Variants in HAUS3 observed in about 807,000 individuals in gnomAD.
The protein encoded by HAUS3 is HAUS augmin-like complex subunit 3.
In HAUS3, 36 loss-of-function variants were observed where a neutral mutation model predicts 55.2. That is an observed-to-expected ratio of 0.65 (90% CI 0.50 to 0.86). HAUS3 has a LOEUF of 0.86. Ranked by LOEUF, HAUS3 falls within the 40% of genes least tolerant of loss-of-function variation. The pLI is 0.00. For missense variants in HAUS3, 752 were observed against 671.5 expected (o/e 1.12, Z -1.33); for synonymous variants, 234 against 238.6 (o/e 0.98, Z 0.18).
chr4:2,238,950 T>C lies in HAUS3; in HGVS notation c.1003A>G (p.Ser335Gly), dbSNP rs181187875. The change falls in exon 4 of 6, where the codon AGT becomes GGT. Residue 335 changes from serine (S) to glycine (G), a missense_variant. Transcript: ENST00000443786. ...EKEVTQIKDR[S>G]LPAVVRENAQ... ...TTCTCTCTTACCACAGCAGGTAAAC[T>C]TCTGTCTTTTATTTGAGTGACCTCT... The C allele has an allele frequency of 3.2e-5, 51 of 1,602,352 alleles. 1 individual carries two copies. The Admixed American group carries it at 7.0e-4, about 22-fold the overall frequency.
chr4:2,234,481 G>T (rs373124955), intron 5 of HAUS3: 10 of 153,672 alleles, frequency 6.5e-5, no homozygotes, highest in Middle Eastern at 1.8e-3. Flanking sequence ...ACAAAGGCAC[G>T]TTTCCTGGGA....
chr4:2,239,017 A>C lies in HAUS3; in HGVS notation c.936T>G (p.Ala312=). Residue 312 remains alanine, a synonymous_variant, in exon 4 of 6, where the codon GCT becomes GCG. Transcript: ENST00000443786. The part of the protein sequence containing the change: ...SKAVDKENLD[A]KISSLTSEIM... Reference sequence around the variant, plus strand: ...TCTCACTGGTCAAGCTAGAAATTTTAGCATCCAAATTTTCTTTGTCCACAG... The same window carrying C: ...TCTCACTGGTCAAGCTAGAAATTTTCGCATCCAAATTTTCTTTGTCCACAG... The C allele has an allele frequency of 6.5e-7, 1 of 1,538,642 alleles. No homozygotes were observed. Among genetic ancestry groups the C allele is most frequent in the Non-Finnish European group, 8.7e-7 (1 of 1,148,812 alleles).
At chr4:2,241,349 G>A (rs1474098091) in intron 2 of HAUS3, among the ~76,000 whole-genome samples, 171 bp downstream of exon 2, 2 of 152,172 alleles carry the variant, frequency 1.3e-5, no homozygotes, top group East Asian at 1.9e-4. Flanking sequence ...AGATAAAATG[G>A]TTTAAAATGC....
In HAUS3 at chr4:2,240,338, G is replaced by A. The variant is rs777374703; in HGVS notation, c.609C>T (p.Tyr203=). 6.2e-7 allele frequency: 1 copy of A among 1,602,428 alleles called. No individual in the cohort carries two copies. The highest frequency in any genetic ancestry group is 8.5e-7 in the Non-Finnish European group (1 of 1,172,926). ...VFLSQFSLEK[Y]LSQEEQSTAA... ...CTGTGCTTTGCTCTTCCTGACTTAG[G>A]TATTTTTCCAAGGAAAATTGCGATA... The change falls in exon 3 of 6, where the codon TAC becomes TAT. Residue 203 remains tyrosine, a synonymous_variant. Transcript: ENST00000443786.
chr4:2,229,261 A>C lies in HAUS3; in HGVS notation c.*2666T>G. ...ACAAAATCCTAAATGTAAGATTAAC[A>C]TAAGATAAATCCCATATATTAATCC... On this transcript the variant is annotated 3_prime_UTR_variant, in exon 6 of 6. Transcript: ENST00000443786. The C allele has an allele frequency of 6.4e-7, 1 of 1,558,138 alleles. No homozygotes were observed. Among genetic ancestry groups the C allele is most frequent in the Non-Finnish European group, 8.7e-7 (1 of 1,145,522 alleles).
chr4:2,239,929 T>G, intron 3 of HAUS3, 109 bp downstream of exon 3: 1 of 811,578 alleles, frequency 1.2e-6, no homozygotes, highest in Non-Finnish European at 2.0e-6. Flanking sequence ...GAAAATAAAA[T>G]GTAATCTCTT....
rs1475009449 is a variant in HAUS3, at chr4:2,239,984, C to T, written c.909+54G>A. The stretch of plus-strand genomic sequence containing the variant: ...AGTACTTTAACAGCAATATTATCTC[C>T]TCTATTCCTAACAATAATTACAATG... On this transcript the variant is annotated intron_variant, in intron 3 of 5. Coordinates refer to ENST00000443786, the MANE Select transcript of HAUS3 (RefSeq NM_001303143.2). The T allele has an allele frequency of 3.6e-6, 5 of 1,371,066 alleles. No individual in the cohort carries two copies. The South Asian group carries it at 4.8e-5, about 13-fold the overall frequency. The allele number at this position is 1,371,066 out of a possible 1,614,324, so 84.9% of individuals were successfully genotyped here. A position where few individuals can be genotyped will look rare whatever the true frequency, so the allele number is the denominator to read the frequency against.
chr4:2,235,999 CTT>C (rs1162312548), intron 5 of HAUS3, among the ~76,000 whole-genome samples: 1 of 151,948 alleles, frequency 6.6e-6, no homozygotes, highest in African/African-American at 2.4e-5. Flanking sequence ...ATTACATATT[CTT>C]TTGTGTCTGA....
At chr4:2,234,244 T>C (rs1734680061) in intron 5 of HAUS3, 1 of 152,196 alleles carries the variant, frequency 6.6e-6, no homozygotes, top group African/African-American at 2.4e-5. Context: ...CTTTAGAAGT[T>C]AGCACCATGG....
Position 2,238,933 on chromosome 4 carries a change from T to C in HAUS3, c.1020A>G (p.Val340=). 2 of 1,610,384 alleles carry C rather than the reference T, an allele frequency of 1.2e-6. No homozygotes were observed. The highest frequency in any genetic ancestry group is 2.2e-5 in the South Asian group (2 of 90,562). ...TATTCAATAACTGGGCATTCTCTCT[T>C]ACCACAGCAGGTAAACTTCTGTCTT... The part of the protein sequence containing the change: ...QIKDRSLPAV[V]RENAQLLNMP... Residue 340 remains valine, a synonymous_variant, in exon 4 of 6, where the codon GTA becomes GTG. Coordinates refer to ENST00000443786, the MANE Select transcript of HAUS3 (RefSeq NM_001303143.2).
Position 2,240,106 on chromosome 4 carries a change from C to A in HAUS3, c.841G>T (p.Ala281Ser). 6.2e-7 allele frequency: 1 copy of A among 1,614,074 alleles called. No homozygotes were observed. Among genetic ancestry groups the A allele is most frequent in the South Asian group, 1.1e-5 (1 of 91,070 alleles). Residue 281 changes from alanine (A) to serine (S), a missense_variant, in exon 3 of 6, where the codon GCA (alanine) becomes TCA (serine). Coordinates refer to ENST00000443786, the MANE Select transcript of HAUS3 (RefSeq NM_001303143.2). ...CAQHQLIHLK[A>S]SNSSMKSSIK... ...CTTGACTTCATGCTCGAATTACTTGCTTTTAAGTGAATTAACTGATGTTGA... is the reference window on the plus strand; with the variant it reads ...CTTGACTTCATGCTCGAATTACTTGATTTTAAGTGAATTAACTGATGTTGA...
rs756220416 is a variant in HAUS3, at chr4:2,229,324, A to C, written c.*2603T>G. 555 of 1,106,012 alleles carry C rather than the reference A, an allele frequency of 5.0e-4. 4 individuals are homozygous for C. The highest frequency in any genetic ancestry group is 9.8e-5 in the Non-Finnish European group (78 of 799,414). 68.5% of individuals were successfully genotyped at this position (1,106,012 alleles called of 1,614,324 possible). On this transcript the variant is annotated 3_prime_UTR_variant, in exon 6 of 6. Transcript: ENST00000443786. ...ACAGGAAATACAATTATTTTCAAAA[A>C]TTTATATACCAACTTTCATTTAAAA...
chr4:2,240,638 C>G lies in HAUS3; in HGVS notation c.309G>C (p.Glu103Asp). The G allele has an allele frequency of 6.2e-7, 1 of 1,613,686 alleles. No individual in the cohort carries two copies. The highest frequency in any genetic ancestry group is 8.5e-7 in the Non-Finnish European group (1 of 1,179,946). ...RLDDKELEKL[E>D]DEVQTLLKLK... The stretch of plus-strand genomic sequence containing the variant: ...ATTTCAGTAGAGTTTGAACCTCATC[C>G]TCTAATTTCTCCAGCTCTTTATCAT... Residue 103 changes from glutamate to aspartate, a missense_variant, in exon 3 of 6, where the codon GAG becomes GAC. By Grantham distance (45) the Glu-to-Asp change is conservative (BLOSUM62 2). Coordinates refer to ENST00000443786, the MANE Select transcript of HAUS3 (RefSeq NM_001303143.2).
In HAUS3 at chr4:2,232,159, T is replaced by C; in HGVS notation, c.1580A>G (p.Glu527Gly). 7.1e-7 allele frequency: 1 copy of C among 1,414,844 alleles called. No individual in the cohort carries two copies. The highest frequency in any genetic ancestry group is 9.6e-7 in the Non-Finnish European group (1 of 1,043,582). The allele number at this position is 1,414,844 out of a possible 1,614,324, so 87.6% of individuals were successfully genotyped here. A position where few individuals can be genotyped will look rare whatever the true frequency, so the allele number is the denominator to read the frequency against. ...AACTTTATGAAACTGCTCTGTTAAC[T>C]CCTAAAAAAGGAAAATAAAAATAAA... is the stretch of plus-strand genomic sequence containing the variant. ...GGNQLLLSDQ[E>G]LTEQFHKVES... Residue 527 changes from glutamate (E) to glycine (G), a missense_variant and splice_region_variant, in exon 6 of 6, where the codon GAG becomes GGG. Transcript: ENST00000443786.
At position 2,230,607 on chromosome 4, in the gene HAUS3, G is replaced by C. The variant is rs1425291259; in HGVS notation, c.*1320C>G. 6.6e-6 allele frequency: 1 copy of C among 151,454 alleles called. No individual in the cohort carries two copies. The highest frequency in any genetic ancestry group is 1.5e-5 in the Non-Finnish European group (1 of 67,910). 9.4% of individuals were successfully genotyped at this position (151,454 alleles called of 1,614,324 possible). A position where few individuals can be genotyped will look rare whatever the true frequency, so the allele number is the denominator to read the frequency against. ...ATTGGCAAAATATTTTTGTTCAATG[G>C]GTTTCAAAAATCAAGAAGGTTCATC... On this transcript the variant is annotated 3_prime_UTR_variant, in exon 6 of 6. Coordinates refer to ENST00000443786, the MANE Select transcript of HAUS3 (RefSeq NM_001303143.2).
At chr4:2,235,186 T>C (rs1734717705) in intron 5 of HAUS3, among the ~76,000 whole-genome samples, 1 of 152,258 alleles carries the variant, frequency 6.6e-6, no homozygotes, top group Non-Finnish European at 1.5e-5. Flanking sequence ...ACCCAGCCTA[T>C]GTGGAGAAAT....
At position 2,229,449 on chromosome 4, in the gene HAUS3, G is replaced by A; in HGVS notation, c.*2478C>T. 2 of 394,580 alleles carry A rather than the reference G, an allele frequency of 5.1e-6. No homozygotes were observed. The highest frequency in any genetic ancestry group is 8.9e-6 in the Non-Finnish European group (2 of 224,810). 24.4% of individuals were successfully genotyped at this position (394,580 alleles called of 1,614,324 possible). ...CTAGAGGCTTAATCCAGGTATCATA[G>A]TAAATAGATAACTTATTTTCTAGGT... On this transcript the variant is annotated 3_prime_UTR_variant, in exon 6 of 6. Transcript: ENST00000443786.
rs200225570 is a variant in HAUS3, at chr4:2,236,299, G to C, written c.1507C>G (p.Arg503Gly). Residue 503 changes from arginine (R) to glycine (G), a missense_variant, in exon 5 of 6, where the codon CGG becomes GGG. Coordinates refer to ENST00000443786, the MANE Select transcript of HAUS3 (RefSeq NM_001303143.2). ...CAAAGCATGTCCACATCCTTATTCC[G>C]TTTGGACAGAAAGAAAGAATGTTCT... is the stretch of plus-strand genomic sequence containing the variant. ...AQEHSFFLSKRNKDVDMLCDT... is the reference protein window; with the variant it reads ...AQEHSFFLSKGNKDVDMLCDT... 138 of 1,613,386 alleles carry C rather than the reference G, an allele frequency of 8.6e-5. No individual in the cohort carries two copies. The Middle Eastern group carries it at 2.0e-3, about 23-fold the overall frequency.
At position 2,231,088 on chromosome 4, in the gene HAUS3, A is replaced by G. The variant is rs976167687; in HGVS notation, c.*839T>C. On this transcript the variant is annotated 3_prime_UTR_variant, in exon 6 of 6. Coordinates refer to ENST00000443786, the MANE Select transcript of HAUS3 (RefSeq NM_001303143.2). Reference sequence around the variant, plus strand: ...AAACTTTTGAGTCCCCAGAATTCAGACTCTAAAATGAATGCAGGCAGGCCA... The same window carrying G: ...AAACTTTTGAGTCCCCAGAATTCAGGCTCTAAAATGAATGCAGGCAGGCCA... 6.6e-6 allele frequency: 1 copy of G among 152,142 alleles called. No individual in the cohort carries two copies. Among genetic ancestry groups the G allele is most frequent in the African/African-American group, 2.4e-5 (1 of 41,430 alleles). 9.4% of individuals were successfully genotyped at this position (152,142 alleles called of 1,614,324 possible). A position where few individuals can be genotyped will look rare whatever the true frequency, so the allele number is the denominator to read the frequency against.
Sources: gnomAD v4.1 joint callset for allele counts (sites outside exome capture counted in the v4.1 genomes callset) on GRCh38, gnomAD v4.1.1 for gene constraint, MANE v1.5 for transcripts, NCBI Gene and HGNC (gene_info 2026-07-23, HGNC 2026-07-21) for gene names.